The following BCHE variants were observed in gnomAD, a reference collection of about 807,000 sequenced individuals.
The protein encoded by BCHE is butyrylcholinesterase, also known as cholinesterase.
Under a neutral mutation model 51.3 loss-of-function variants are expected in BCHE, and 48 were observed. The ratio of observed to expected loss-of-function variants is 0.94; its 90% CI spans 0.74 to 1.19. BCHE has a LOEUF of 1.19. Among genes scored for constraint, BCHE ranks in the 50% most tolerant of loss-of-function variants. The pLI, the probability that BCHE is intolerant of heterozygous loss-of-function variation, is 0.00. For missense variants in BCHE, 847 were observed against 708.2 expected (o/e 1.20, Z -2.23); for synonymous variants, 251 against 238.0 (o/e 1.05, Z -0.50).
intron 2 of BCHE, among the ~76,000 whole-genome samples, chr3:165,805,915 T>C (rs1270089955): frequency 6.6e-6 from 1 of 152,150 alleles, no homozygotes; most frequent in Non-Finnish European, 1.5e-5. Context: ...CCAGAGCTCA[T>C]AGATAATATT....
At position 165,829,942 on chromosome 3, in the gene BCHE, G is replaced by A. The variant is rs1300803708; in HGVS notation, c.1092C>T (p.Gly364=). ...GTAFLVYGAP[G]FSKDNNSIIT... The stretch of plus-strand genomic sequence containing the variant: ...TGATACTATTGTTATCTTTGCTGAA[G>A]CCAGGAGCACCATAGACTAAAAAAG... The change falls in exon 2 of 4, where the codon GGC becomes GGT. Residue 364 remains glycine, a synonymous_variant. Coordinates refer to ENST00000264381, the MANE Select transcript of BCHE (RefSeq NM_000055.4). 1.2e-6 allele frequency: 2 copies of A among 1,613,428 alleles called. No homozygotes were observed. Among genetic ancestry groups the A allele is most frequent in the Non-Finnish European group, 1.7e-6 (2 of 1,179,822 alleles).
chr3:165,811,926 G>A (rs1714114265), intron 2 of BCHE, among the ~76,000 whole-genome samples: 1 of 151,880 alleles, frequency 6.6e-6, no homozygotes, highest in Admixed American at 6.6e-5. Context: ...AGCATATCTA[G>A]CCTTTTGACT....
At chr3:165,784,312 C>T (rs989256319) in intron 3 of BCHE, among the ~76,000 whole-genome samples, 2 of 151,862 alleles carry the variant, frequency 1.3e-5, no homozygotes, top group South Asian at 4.1e-4. Context: ...TAACTTCAAA[C>T]TGATTTTGTT....
At chr3:165,808,001 T>G (rs1319918777) in intron 2 of BCHE, among the ~76,000 whole-genome samples, 1 of 152,054 alleles carries the variant, frequency 6.6e-6, no homozygotes, top group Admixed American at 6.6e-5. Flanking sequence ...TGTTGTTGTT[T>G]GAGACAGAGT....
chr3:165,814,425 C>A (rs1222230627), intron 2 of BCHE, among the ~76,000 whole-genome samples: 3 of 152,018 alleles, frequency 2.0e-5, no homozygotes, highest in Non-Finnish European at 4.4e-5. Context: ...AAGGAGAAGG[C>A]AAGTTTATTT....
intron 2 of BCHE, among the ~76,000 whole-genome samples, chr3:165,801,641 A>G (rs1485949476): frequency 6.6e-6 from 1 of 152,228 alleles, no homozygotes; most frequent in Non-Finnish European, 1.5e-5. Context: ...GTAACTTTAT[A>G]AGAAACATGA....
At chr3:165,793,952 C>A (rs762277147) in intron 2 of BCHE, among the ~76,000 whole-genome samples, 1 of 151,874 alleles carries the variant, frequency 6.6e-6, no homozygotes, top group African/African-American at 2.4e-5. Context: ...AAGGCTGAGG[C>A]AGGAGAATTG....
chr3:165,813,565 C>A (rs902333130), intron 2 of BCHE, among the ~76,000 whole-genome samples: 1 of 151,710 alleles, frequency 6.6e-6, no homozygotes, highest in Non-Finnish European at 1.5e-5. Flanking sequence ...TGTGTTACAA[C>A]TGTGATTGAA....
intron 2 of BCHE, among the ~76,000 whole-genome samples, chr3:165,816,471 C>A (rs141499585): frequency 6.6e-6 from 1 of 151,378 alleles, no homozygotes; most frequent in Non-Finnish European, 1.5e-5. Context: ...CTTCCCTGAT[C>A]CACTTTAGAG....
Position 165,782,037 on chromosome 3 carries a change from A to G in BCHE, c.1684+4108T>C, listed in dbSNP as rs986631655. Among the ~76,000 whole-genome samples, 7 of 152,228 alleles carry G rather than the reference A, an allele frequency of 4.6e-5. No individual in the cohort carries two copies. The South Asian group carries it at 1.0e-3, about 23-fold the overall frequency. On this transcript the variant is annotated intron_variant, in intron 3 of 3. Transcript: ENST00000264381. ...TTATACCTAGGCTAGCAATTTTAGT[A>G]TAAATTTTCAAAGCATATTAATAGG...
intron 1 of BCHE, among the ~76,000 whole-genome samples, 199 bp downstream of exon 1, chr3:165,837,115 G>A (rs1364461421): frequency 6.6e-6 from 1 of 152,132 alleles, no homozygotes. Context: ...CAAAGTCTGC[G>A]TTCCCTGAAT....
intron 2 of BCHE, among the ~76,000 whole-genome samples, chr3:165,812,192 T>C (rs970289490): frequency 6.6e-6 from 1 of 151,956 alleles, no homozygotes. Flanking sequence ...CTGAACAGTT[T>C]GGAAGTACTA....
At chr3:165,825,012 GT>G (rs548795477) in intron 2 of BCHE, among the ~76,000 whole-genome samples, 12 of 148,368 alleles carry the variant, frequency 8.1e-5, no homozygotes, top group South Asian at 2.2e-4. Context: ...AGACATAACT[GT>G]TTTTTTTTCA....
At chr3:165,814,261 G>A (rs896395445) in intron 2 of BCHE, among the ~76,000 whole-genome samples, 10 of 151,792 alleles carry the variant, frequency 6.6e-5, no homozygotes, top group Admixed American at 2.0e-4. Flanking sequence ...CTATTTCAGG[G>A]TTCATTAATA....
intron 2 of BCHE, 141 bp from the exon 3 acceptor site, chr3:165,786,452 G>C: frequency 1.3e-6 from 1 of 748,446 alleles, no homozygotes; most frequent in East Asian, 2.7e-5. Context: ...GATATGAAAC[G>C]TATGTGAACT....
At chr3:165,780,054 CA>C (rs1712629655) in intron 3 of BCHE, among the ~76,000 whole-genome samples, 1 of 152,134 alleles carries the variant, frequency 6.6e-6, no homozygotes, top group East Asian at 1.9e-4. Context: ...GTATTACTAC[CA>C]AAAGAGACAT....
At chr3:165,777,842 A>G in intron 3 of BCHE, 1 of 422,574 alleles carries the variant, frequency 2.4e-6, no homozygotes, top group Non-Finnish European at 4.8e-6. Context: ...GTGATGATCA[A>G]CTTCCACTCA....
intron 2 of BCHE, among the ~76,000 whole-genome samples, chr3:165,819,789 A>T (rs1714445455): frequency 6.6e-6 from 1 of 152,044 alleles, no homozygotes; most frequent in Non-Finnish European, 1.5e-5. Context: ...GAACAGAAAA[A>T]CTCCATACAG....
At chr3:165,809,812 A>G (rs2108220559) in intron 2 of BCHE, among the ~76,000 whole-genome samples, 1 of 152,262 alleles carries the variant, frequency 6.6e-6, no homozygotes, top group South Asian at 2.1e-4. Flanking sequence ...TTACAGTAAT[A>G]GCAGCAGCTC....
Sources: gnomAD v4.1 joint callset for allele counts (sites outside exome capture counted in the v4.1 genomes callset) on GRCh38, gnomAD v4.1.1 for gene constraint, MANE v1.5 for transcripts, NCBI Gene and HGNC (gene_info 2026-07-23, HGNC 2026-07-21) for gene names.